SCFD2: variants seen among roughly 807,000 people sequenced by gnomAD.
SCFD2 encodes sec1 family domain containing 2.
In SCFD2, 54 loss-of-function variants were observed where a neutral mutation model predicts 58.9. The ratio of observed to expected loss-of-function variants is 0.92; its 90% confidence interval spans 0.74 to 1.15. The LOEUF is 1.15. SCFD2 is among the 50% of genes most tolerant of loss of function. The pLI, the probability that SCFD2 is intolerant of heterozygous loss-of-function variation, is 0.00. For missense variants in SCFD2, 805 were observed against 836.6 expected, an observed-to-expected ratio of 0.96 and a Z score of 0.47; for synonymous variants, 321 against 335.9, an observed-to-expected ratio of 0.96 and a Z score of 0.49.
At chr4:53,256,275 ACATCCCAGATGGGGCGGCGG>A (rs1253084846) in intron 4 of SCFD2, among the ~76,000 whole-genome samples, 4 of 121,800 alleles carry the variant, frequency 3.3e-5, no homozygotes, top group African/African-American at 9.4e-5. Context: ...GGCGCTCCTC[ACATCCCAGATGGGGCGGCGG>A]GGCAGAGGCG....
intron 5 of SCFD2, among the ~76,000 whole-genome samples, chr4:52,927,096 C>T (rs1719881215): frequency 6.6e-6 from 1 of 152,096 alleles, no homozygotes; most frequent in Non-Finnish European, 1.5e-5. Context: ...ACAATAGAAG[C>T]CCTCTTTCCA....
At chr4:53,002,076 G>A (rs1721876288) in intron 5 of SCFD2, among the ~76,000 whole-genome samples, 1 of 152,168 alleles carries the variant, frequency 6.6e-6, no homozygotes, top group Admixed American at 6.5e-5. Flanking sequence ...GCTTGGTCAT[G>A]GTTGTCAAGG....
chr4:53,100,287 G>T (rs546800805), intron 5 of SCFD2, among the ~76,000 whole-genome samples: 1 of 152,246 alleles, frequency 6.6e-6, no homozygotes, highest in South Asian at 2.1e-4. Flanking sequence ...ACTTACTAGG[G>T]CTTCTAAGAA....
intron 2 of SCFD2, among the ~76,000 whole-genome samples, chr4:53,343,419 T>C (rs1469595603): frequency 1.3e-5 from 2 of 152,184 alleles, no homozygotes; most frequent in African/African-American, 4.8e-5. Context: ...GTTGAATCCC[T>C]GAATAGACCA....
At chr4:53,297,762 C>T (rs570845967) in intron 3 of SCFD2, among the ~76,000 whole-genome samples, 1 of 152,286 alleles carries the variant, frequency 6.6e-6, no homozygotes, top group South Asian at 2.1e-4. Context: ...ATGGTCTTTA[C>T]AATGTGGCAT....
intron 5 of SCFD2, among the ~76,000 whole-genome samples, chr4:53,120,615 C>A (rs1291380857): frequency 6.6e-6 from 1 of 152,056 alleles, no homozygotes; most frequent in East Asian, 1.9e-4. Flanking sequence ...CACAGAGGTC[C>A]CTGTTTCACA....
At chr4:53,265,329 A>C (rs1406778102) in intron 4 of SCFD2, 4 of 152,206 alleles carry the variant, frequency 2.6e-5, no homozygotes, top group Non-Finnish European at 2.9e-5. Context: ...TATGTTTATT[A>C]TTATTATTAC....
rs1304820939 is a variant in SCFD2 at position 53,283,076 on chromosome 4, A to G, written c.1136-9075T>C. Among the ~76,000 whole-genome samples, 4 of 152,220 alleles carry G rather than the reference A, an allele frequency of 2.6e-5. 1 individual carries two copies. The highest frequency in any genetic ancestry group is 6.5e-5 in the Admixed American group (1 of 15,290). On this transcript the variant is annotated intron_variant, in intron 3 of 8. Coordinates refer to ENST00000401642, the MANE Select transcript of SCFD2 (RefSeq NM_152540.4). ...CATGAATCTTAAATATACGGTTCAA[A>G]TAATTTTTACGTATGTATATATCCA...
At chr4:53,042,644 C>T (rs1722927804) in intron 5 of SCFD2, among the ~76,000 whole-genome samples, 1 of 152,040 alleles carries the variant, frequency 6.6e-6, no homozygotes, top group South Asian at 2.1e-4. Flanking sequence ...AAAATATTCT[C>T]GAAAACAAAA....
intron 4 of SCFD2, among the ~76,000 whole-genome samples, chr4:53,243,636 C>T (rs1216222804): frequency 6.6e-6 from 1 of 151,740 alleles, no homozygotes; most frequent in Non-Finnish European, 1.5e-5. Context: ...TCAACTTTAA[C>T]CTTGCAAGTA....
chr4:53,236,191 A>T (rs1266157017), intron 4 of SCFD2, among the ~76,000 whole-genome samples: 2 of 152,178 alleles, frequency 1.3e-5, no homozygotes, highest in Admixed American at 1.3e-4. Context: ...AACATTAAAA[A>T]TAGAGACGGG....
intron 5 of SCFD2, among the ~76,000 whole-genome samples, chr4:52,988,753 A>G (rs1721554041): frequency 6.6e-6 from 1 of 152,220 alleles, no homozygotes; most frequent in East Asian, 1.9e-4. Context: ...GAGGCAATAC[A>G]GGAATACATT....
At chr4:53,083,722 C>G (rs1401185932) in intron 5 of SCFD2, among the ~76,000 whole-genome samples, 1 of 152,124 alleles carries the variant, frequency 6.6e-6, no homozygotes, top group Non-Finnish European at 1.5e-5. Flanking sequence ...GCTGGGCCGC[C>G]AGGGGTGACA....
chr4:53,145,019 C>G (rs1389114208), intron 5 of SCFD2, among the ~76,000 whole-genome samples: 1 of 152,142 alleles, frequency 6.6e-6, no homozygotes, highest in Admixed American at 6.5e-5. Context: ...GAGTGTGAAC[C>G]CTACTGTGAA....
chr4:53,081,054 G>A (rs1577711314), intron 5 of SCFD2, among the ~76,000 whole-genome samples: 2 of 152,138 alleles, frequency 1.3e-5, no homozygotes, highest in South Asian at 2.1e-4. Flanking sequence ...ATTACTTGTT[G>A]CAGACTACGA....
chr4:53,129,710 G>A (rs540373416), intron 5 of SCFD2, among the ~76,000 whole-genome samples: 57 of 152,272 alleles, frequency 3.7e-4, no homozygotes, highest in South Asian at 8.3e-4. Context: ...ATGCAATAAT[G>A]TCTCCTAGAA....
At chr4:53,172,011 ATTAT>A (rs1727195209) in intron 4 of SCFD2, among the ~76,000 whole-genome samples, 1 of 146,358 alleles carries the variant, frequency 6.8e-6, no homozygotes, top group South Asian at 2.2e-4. Context: ...TTTATTATTT[ATTAT>A]TTATTTATTG....
chr4:53,235,468 G>GACAT (rs1729570242), intron 4 of SCFD2, among the ~76,000 whole-genome samples: 1 of 152,180 alleles, frequency 6.6e-6, no homozygotes, highest in Admixed American at 6.5e-5. Context: ...TACATTTGAG[G>GACAT]ACATACTCAT....
Position 53,313,735 on chromosome 4 carries a change from C to T in SCFD2, c.1036G>A (p.Ala346Thr). Residue 346 changes from alanine to threonine, a missense_variant, in exon 3 of 9, where the codon GCT becomes ACT. Around this residue, in one of 3 missense-constraint regions of SCFD2, gnomAD observed 633 missense variants for 646.8 expected, o/e 0.98. Coordinates refer to ENST00000401642, the MANE Select transcript of SCFD2 (RefSeq NM_152540.4). ...SDTTAKALWE[A>T]LLNTKHKEAV... ...TCTTTGTGCTTAGTGTTCAGTAAAG[C>T]TTCCCATAGGGCTTTGGCTGTGGTG... The T allele has an allele frequency of 6.2e-7, 1 of 1,614,056 alleles. No individual in the cohort carries two copies. The highest frequency in any genetic ancestry group is 2.2e-5 in the East Asian group (1 of 44,882).
Sources: gnomAD v4.1 joint callset for allele counts (sites outside exome capture counted in the v4.1 genomes callset) on GRCh38, gnomAD v4.1.1 for gene constraint, gnomAD v4.1.1 regional missense constraint, MANE v1.5 for transcripts, NCBI Gene and HGNC (gene_info 2026-07-23, HGNC 2026-07-21) for gene names.